Variants in LINGO2 observed in about 807,000 individuals in gnomAD.
The protein encoded by LINGO2 is leucine-rich repeat and immunoglobulin-like domain-containing nogo receptor-interacting protein 2.
LINGO2 carries 14 observed loss-of-function variants against 30.6 expected under a neutral mutation model. That is an observed-to-expected ratio of 0.46 (90% CI 0.30 to 0.72). The LOEUF (loss-of-function observed/expected upper bound fraction) is 0.72. Among genes scored for constraint, LINGO2 ranks in the 30% least tolerant of loss-of-function variants. LINGO2 has a pLI of 0.07. For missense variants in LINGO2, 729 were observed against 751.7 expected, an observed-to-expected ratio of 0.97 and a Z score of 0.35; for synonymous variants, 317 against 288.5, an observed-to-expected ratio of 1.10 and a Z score of -1.00.
the LINGO2 span, among the ~76,000 whole-genome samples, chr9:28,831,564 C>G: frequency 6.6e-6 from 1 of 151,994 alleles, no homozygotes; most frequent in Non-Finnish European, 1.5e-5. Flanking sequence ...GGAGCCTAGA[C>G]TTGATATTTA....
intron 4 of LINGO2, among the ~76,000 whole-genome samples, chr9:28,022,506 C>G (rs544030244): frequency 1.3e-5 from 2 of 152,192 alleles, no homozygotes; most frequent in African/African-American, 4.8e-5. Context: ...GTCATGAAAT[C>G]CCTCAGCTTT....
chr9:28,761,990 T>G, the LINGO2 span, among the ~76,000 whole-genome samples: 1 of 152,162 alleles, frequency 6.6e-6, no homozygotes, highest in Non-Finnish European at 1.5e-5. Context: ...TTAATGCTTA[T>G]TCAATCATAA....
the LINGO2 span, among the ~76,000 whole-genome samples, chr9:29,120,686 T>C: frequency 1.3e-5 from 2 of 152,118 alleles, no homozygotes; most frequent in African/African-American, 4.8e-5. Context: ...AAGGTGGTAG[T>C]TCAAATCTGC....
chr9:29,129,798 G>C, the LINGO2 span, among the ~76,000 whole-genome samples: 1 of 152,096 alleles, frequency 6.6e-6, no homozygotes, highest in African/African-American at 2.4e-5. Flanking sequence ...GTTTTTGGTA[G>C]GTAAGGTTGT....
intron 4 of LINGO2, among the ~76,000 whole-genome samples, chr9:28,027,975 A>T (rs1823465606): frequency 6.6e-6 from 1 of 152,204 alleles, no homozygotes; most frequent in Non-Finnish European, 1.5e-5. Context: ...AAACTTAAAG[A>T]ACATAAAATG....
chr9:28,981,659 T>C, the LINGO2 span, among the ~76,000 whole-genome samples: 1 of 152,098 alleles, frequency 6.6e-6, no homozygotes, highest in East Asian at 1.9e-4. Context: ...TGAATCCAGA[T>C]AACTTTGGAA....
At chr9:28,795,224 T>G in the LINGO2 span, among the ~76,000 whole-genome samples, 1 of 152,246 alleles carries the variant, frequency 6.6e-6, no homozygotes, top group Non-Finnish European at 1.5e-5. Flanking sequence ...GTCTTGTTAC[T>G]GTATTTCCAG....
chr9:29,146,380 AAAAC>A, the LINGO2 span, among the ~76,000 whole-genome samples: 1 of 140,860 alleles, frequency 7.1e-6, no homozygotes, highest in East Asian at 2.4e-4. Flanking sequence ...CAAACAAAAA[AAAAC>A]CAGCTAAGAC....
At chr9:28,485,053 C>T (rs1826117853) in intron 1 of LINGO2, among the ~76,000 whole-genome samples, 3 of 152,072 alleles carry the variant, frequency 2.0e-5, no homozygotes, top group Admixed American at 1.3e-4. Flanking sequence ...CAAGTGAAAG[C>T]GTTGACTAAA....
chr9:28,861,841 G>T, the LINGO2 span, among the ~76,000 whole-genome samples: 113,657 of 151,854 alleles, frequency 0.75, 42,733 homozygotes, highest in East Asian at 0.89. Flanking sequence ...TAAAAAAAGC[G>T]GTAGTGAAAT....
chr9:28,548,382 AC>A (rs1344767353), intron 1 of LINGO2, among the ~76,000 whole-genome samples: 1 of 152,070 alleles, frequency 6.6e-6, no homozygotes, highest in African/African-American at 2.4e-5. Flanking sequence ...AAAAGTTGAT[AC>A]CTGAACACCA....
At chr9:28,322,479 A>G (rs1825081832) in intron 3 of LINGO2, among the ~76,000 whole-genome samples, 1 of 138,252 alleles carries the variant, frequency 7.2e-6, no homozygotes, top group East Asian at 2.1e-4. Flanking sequence ...ACACACACAC[A>G]CGTTTACAAT....
chr9:28,962,507 A>G, the LINGO2 span, among the ~76,000 whole-genome samples: 1 of 151,950 alleles, frequency 6.6e-6, no homozygotes, highest in South Asian at 2.1e-4. Flanking sequence ...TCACACCACA[A>G]ATAGTCATTC....
At chr9:28,458,638 A>C (rs891136456) in intron 2 of LINGO2, among the ~76,000 whole-genome samples, 10 of 152,142 alleles carry the variant, frequency 6.6e-5, no homozygotes, top group Admixed American at 5.2e-4. Flanking sequence ...TTCACTTGCC[A>C]TTAGGTGGGA....
chr9:28,521,688 C>A (rs1434903920), intron 1 of LINGO2, among the ~76,000 whole-genome samples: 1 of 152,090 alleles, frequency 6.6e-6, no homozygotes, highest in East Asian at 1.9e-4. Context: ...GTGTTTTCCC[C>A]AAAATTAATG....
rs1822787565 is a variant in LINGO2 at position 28,267,320 on chromosome 9, T to C, written c.-87+27888A>G. Among the ~76,000 whole-genome samples, 3 of 152,080 alleles carry C rather than the reference T, an allele frequency of 2.0e-5. No individual in the cohort carries two copies. In the Middle Eastern group the frequency reaches 0.01, roughly 517 times the overall value. On this transcript the variant is annotated intron_variant, in intron 4 of 5. Coordinates refer to ENST00000379992, the Ensembl canonical transcript of LINGO2. The stretch of plus-strand genomic sequence containing the variant: ...TTTTCCAGTCTTTATTTAATTATCT[T>C]ACACATAGCTGCCAAATTCAACTTT...
intron 2 of LINGO2, among the ~76,000 whole-genome samples, chr9:28,375,035 G>A (rs16912779): frequency 0.51 from 76,938 of 151,004 alleles, 20,946 homozygotes; most frequent in Non-Finnish European, 0.59. Flanking sequence ...ACTTTGTTAT[G>A]TTTCTAACAC....
At chr9:28,747,481 C>G in the LINGO2 span, among the ~76,000 whole-genome samples, 1 of 152,036 alleles carries the variant, frequency 6.6e-6, no homozygotes, top group Admixed American at 6.5e-5. Flanking sequence ...ACACATAAGC[C>G]ATCTGTGGAT....
chr9:28,403,899 C>T (rs1259773262), intron 2 of LINGO2, among the ~76,000 whole-genome samples: 4 of 151,852 alleles, frequency 2.6e-5, no homozygotes, highest in Non-Finnish European at 5.9e-5. Context: ...GAATTAAATC[C>T]TTTTTTTGGC....
Sources: gnomAD v4.1 joint callset for allele counts (sites outside exome capture counted in the v4.1 genomes callset) on GRCh38, gnomAD v4.1.1 for gene constraint, MANE v1.5 for transcripts, NCBI Gene and HGNC (gene_info 2026-07-23, HGNC 2026-07-21) for gene names.